NDUFA3: variants seen among roughly 807,000 people sequenced by gnomAD.
The protein encoded by NDUFA3 is NADH:ubiquinone oxidoreductase subunit A3, also known as NADH dehydrogenase [ubiquinone] 1 alpha subcomplex subunit 3.
A neutral mutation model predicts 11.4 loss-of-function variants in NDUFA3; 10 were observed. That is an observed-to-expected ratio of 0.87 (90% CI 0.54 to 1.48). The LOEUF (loss-of-function observed/expected upper bound fraction) is 1.48. Among genes scored for constraint, NDUFA3 ranks in the 40% most tolerant of loss-of-function variants. NDUFA3 has a pLI of 0.00. For synonymous variants in NDUFA3, 39 were observed against 46.9 expected (o/e 0.83, Z 0.68); for missense variants, 115 against 110.5 (o/e 1.04, Z -0.18).
chr19:54,103,582 T>C lies in NDUFA3; in HGVS notation c.85+394T>C, dbSNP rs1292758074. Among the ~76,000 whole-genome samples the C allele has an allele frequency of 2.0e-5, 3 of 152,160 alleles. No homozygotes were observed. The South Asian group carries it at 6.2e-4, about 31-fold the overall frequency. ...AATCCCCGTATGATCCCAATGTGCCTTGCTGATTGAAAATCTCTGCCCTCT... is the reference window on the plus strand; with the variant it reads ...AATCCCCGTATGATCCCAATGTGCCCTGCTGATTGAAAATCTCTGCCCTCT... On this transcript the variant is annotated intron_variant, in intron 2 of 3. Transcript: ENST00000485876.
At chr19:54,106,063 T>C (rs2073250723) in intron 3 of NDUFA3, 52 bp downstream of exon 3, 2 of 1,532,924 alleles carry the variant, frequency 1.3e-6, no homozygotes, top group Non-Finnish European at 1.8e-6. Flanking sequence ...CTCCCTGTGC[T>C]GGCGTAAGGG....
At chr19:54,103,222 T>C (rs1175515481) in intron 2 of NDUFA3, 34 bp downstream of exon 2, 1 of 1,556,570 alleles carries the variant, frequency 6.4e-7, no homozygotes, top group Non-Finnish European at 8.7e-7. Context: ...ACTTGCATCG[T>C]CCACCCCCGT....
chr19:54,103,926 C>T (rs1201754891), intron 2 of NDUFA3, among the ~76,000 whole-genome samples: 2 of 150,834 alleles, frequency 1.3e-5, no homozygotes, highest in South Asian at 2.1e-4. Flanking sequence ...CCCCGCCTTC[C>T]GGGTTCACGC....
chr19:54,105,126 C>T (rs2146337884), intron 2 of NDUFA3, among the ~76,000 whole-genome samples: 1 of 152,176 alleles, frequency 6.6e-6, no homozygotes, highest in Non-Finnish European at 1.5e-5. Context: ...TGGCTCTTAC[C>T]ATCTGTCAGA....
intron 2 of NDUFA3, among the ~76,000 whole-genome samples, chr19:54,105,381 G>A (rs2073227277): frequency 6.8e-6 from 1 of 147,256 alleles, no homozygotes; most frequent in African/African-American, 2.5e-5. Context: ...GGATTCTTCT[G>A]CCTCAGCCTC....
rs2073304493 is a variant in NDUFA3, at chr19:54,107,476, T to A, written c.*574T>A. ...GTTGCTCAGGCAGGTCTCAGACTCC[T>A]GGCCTCAAGTGATCCTCCCACCTAG... On this transcript the variant is annotated 3_prime_UTR_variant, in exon 4 of 4. Coordinates refer to ENST00000485876, the MANE Select transcript of NDUFA3 (RefSeq NM_004542.4). The A allele has an allele frequency of 5.4e-6, 2 of 367,954 alleles. No homozygotes were observed. Among genetic ancestry groups the A allele is most frequent in the Non-Finnish European group, 9.9e-6 (2 of 201,522 alleles). The allele number at this position is 367,954 out of a possible 1,614,324, so 22.8% of individuals were successfully genotyped here.
intron 3 of NDUFA3, 134 bp from the exon 4 acceptor site, chr19:54,106,677 C>T: frequency 1.6e-6 from 1 of 632,622 alleles, no homozygotes; most frequent in East Asian, 3.0e-5. Context: ...CTTTCTGCAT[C>T]ACTGATTCTC....
In NDUFA3 at chr19:54,102,989, G is replaced by A; in HGVS notation, c.10+101G>A. 1.9e-6 allele frequency: 3 copies of A among 1,544,890 alleles called. No homozygotes were observed. In the South Asian group the frequency reaches 3.5e-5, roughly 18 times the overall value. On this transcript the variant is annotated intron_variant, in intron 1 of 3. Coordinates refer to ENST00000485876, the MANE Select transcript of NDUFA3 (RefSeq NM_004542.4). ...GGCAGGGCAGGGGTGGAAGCGATGG[G>A]GTCCGTGCTGGAGGGGAACGCAGAA... is the stretch of plus-strand genomic sequence containing the variant.
At chr19:54,104,737 G>T (rs2118214) in intron 2 of NDUFA3, among the ~76,000 whole-genome samples, 82,592 of 150,686 alleles carry the variant, frequency 0.55, 22,869 homozygotes, top group African/African-American at 0.58. Flanking sequence ...GGTTTTTTTT[G>T]TTTGTTTGTT....
At chr19:54,103,073 G>T (rs762418545) in intron 1 of NDUFA3, 41 bp from the exon 2 acceptor site, 3 of 1,600,192 alleles carry the variant, frequency 1.9e-6, no homozygotes, top group East Asian at 4.5e-5. Flanking sequence ...GTCACCGGGG[G>T]CAGCTACTTG....
rs1316415018 is a variant in NDUFA3 at position 54,105,264 on chromosome 19, C to CCTTT, written c.86-670_86-669insCTTT. Reference sequence around the variant, plus strand: ...ACCCTTTCTCCTCCAGTTTGTAAGGCTTTTTTTTTTTTTTTTTTTTTGGTG... The same window carrying CCTTT: ...ACCCTTTCTCCTCCAGTTTGTAAGGCCTTTTTTTTTTTTTTTTTTTTTTTTGGTG... On this transcript the variant is annotated intron_variant, in intron 2 of 3. Coordinates refer to ENST00000485876, the MANE Select transcript of NDUFA3 (RefSeq NM_004542.4). Among the ~76,000 whole-genome samples the CCTTT allele has an allele frequency of 2.0e-3, 146 of 71,268 alleles. 21 individuals carry two copies. The highest frequency in any genetic ancestry group is 0.011 in the Middle Eastern group (1 of 92). The allele number at this position is 71,268 out of a possible 152,430, so 46.8% of individuals were successfully genotyped here. A position where few individuals can be genotyped will look rare whatever the true frequency, so the allele number is the denominator to read the frequency against.
chr19:54,104,960 ACTCCTGAC>A lies in NDUFA3; in HGVS notation c.86-970_86-963del, dbSNP rs80114393. On this transcript the variant is annotated intron_variant, in intron 2 of 3. Coordinates refer to ENST00000485876, the MANE Select transcript of NDUFA3 (RefSeq NM_004542.4). ...ATCATATTGGTCAGGCTGGTCTCGA[ACTCCTGAC>A]CTCAGGTGATCCACCCGTCTCAGCC... Among the ~76,000 whole-genome samples, 1,177 of 151,834 alleles carry A rather than the reference ACTCCTGAC, an allele frequency of 7.8e-3. 11 individuals carry two copies. The highest frequency in any genetic ancestry group is 0.013 in the Non-Finnish European group (906 of 67,906).
chr19:54,106,445 A>G, intron 3 of NDUFA3: 1 of 350,692 alleles, frequency 2.9e-6, no homozygotes, highest in Non-Finnish European at 5.2e-6. Context: ...CTGGGATTAC[A>G]GGTGTGAGCC....
intron 1 of NDUFA3, 28 bp downstream of exon 1, chr19:54,102,916 G>C (rs1291205740): frequency 6.2e-7 from 1 of 1,608,414 alleles, no homozygotes; most frequent in South Asian, 1.1e-5. Context: ...TGGCGCACGG[G>C]GCTCGGGTAG....
intron 2 of NDUFA3, among the ~76,000 whole-genome samples, chr19:54,103,751 T>C (rs1297626535): frequency 6.6e-6 from 1 of 152,094 alleles, no homozygotes; most frequent in African/African-American, 2.4e-5. Flanking sequence ...CGATCCCGGC[T>C]CACTGCAACC....
chr19:54,106,981 G>C lies in NDUFA3; in HGVS notation c.*79G>C. 1.9e-6 allele frequency: 3 copies of C among 1,604,924 alleles called. No individual in the cohort carries two copies. Among genetic ancestry groups the C allele is most frequent in the Non-Finnish European group, 2.6e-6 (3 of 1,174,216 alleles). On this transcript the variant is annotated 3_prime_UTR_variant, in exon 4 of 4. Transcript: ENST00000485876. ...AACCAACCCCCGAACGTGAGCATGTGTGTGATCAGAGGTGGGAACAAGTAG... is the reference window on the plus strand; with the variant it reads ...AACCAACCCCCGAACGTGAGCATGTCTGTGATCAGAGGTGGGAACAAGTAG...
intron 2 of NDUFA3, among the ~76,000 whole-genome samples, chr19:54,105,297 C>G (rs1388359904): frequency 4.6e-5 from 3 of 64,744 alleles, no homozygotes; most frequent in South Asian, 1.1e-3. Flanking sequence ...GTGATGGAGT[C>G]TCTCTCTGTT....
In NDUFA3 at chr19:54,103,928, G is replaced by A. The variant is rs587739709; in HGVS notation, c.85+740G>A. On this transcript the variant is annotated intron_variant, in intron 2 of 3. Coordinates refer to ENST00000485876, the MANE Select transcript of NDUFA3 (RefSeq NM_004542.4). ...GGTTCAGTGCAAGCCCCGCCTTCCGGGTTCACGCCATTCTCCTGCCTCAGC... is the reference window on the plus strand; with the variant it reads ...GGTTCAGTGCAAGCCCCGCCTTCCGAGTTCACGCCATTCTCCTGCCTCAGC... Among the ~76,000 whole-genome samples the A allele has an allele frequency of 3.8e-4, 58 of 152,108 alleles. 1 individual carries two copies. In the East Asian group the frequency reaches 0.01, roughly 27 times the overall value.
rs1212951782 is a variant in NDUFA3, at chr19:54,106,909, C to T, written c.*7C>T. 1 of 1,609,906 alleles carries T rather than the reference C, an allele frequency of 6.2e-7. No individual in the cohort carries two copies. The highest frequency in any genetic ancestry group is 1.7e-5 in the Admixed American group (1 of 58,646). ...GTGGCTGAAGAAACTGTGAGCACCTCCACTGACAGAGGCGGCCCCTCCCAC... is the reference window on the plus strand; with the variant it reads ...GTGGCTGAAGAAACTGTGAGCACCTTCACTGACAGAGGCGGCCCCTCCCAC... On this transcript the variant is annotated 3_prime_UTR_variant, in exon 4 of 4. Coordinates refer to ENST00000485876, the MANE Select transcript of NDUFA3 (RefSeq NM_004542.4).
Sources: gnomAD v4.1 joint callset for allele counts (sites outside exome capture counted in the v4.1 genomes callset) on GRCh38, gnomAD v4.1.1 for gene constraint, MANE v1.5 for transcripts, NCBI Gene and HGNC (gene_info 2026-07-23, HGNC 2026-07-21) for gene names.